Variants in RALYL observed in about 807,000 individuals in gnomAD.
The protein encoded by RALYL is RALY RNA binding protein like.
Under a neutral mutation model 35.1 loss-of-function variants are expected in RALYL, and 29 were observed. That is an observed-to-expected ratio of 0.83 (90% CI 0.61 to 1.13). The LOEUF (loss-of-function observed/expected upper bound fraction) is 1.13, where lower values mean the gene tolerates loss of function less well. RALYL is among the 50% of genes most tolerant of loss of function. The pLI, the probability that RALYL is intolerant of heterozygous loss-of-function variation, is 0.00. For synonymous variants in RALYL, 120 were observed against 127.6 expected, an observed-to-expected ratio of 0.94 and a Z score of 0.40; for missense variants, 359 against 360.4, an observed-to-expected ratio of 1.00 and a Z score of 0.03.
intron 1 of RALYL, among the ~76,000 whole-genome samples, chr8:84,505,349 A>G (rs888247808): frequency 1.3e-5 from 2 of 152,170 alleles, no homozygotes; most frequent in Non-Finnish European, 2.9e-5. Flanking sequence ...AGATAAACAA[A>G]TACTCAGTTC....
intron 1 of RALYL, among the ~76,000 whole-genome samples, chr8:84,447,912 G>T (rs550203268): frequency 6.6e-6 from 1 of 151,918 alleles, no homozygotes; most frequent in Non-Finnish European, 1.5e-5. Context: ...GGAAGTGAAC[G>T]CATTATAATG....
intron 2 of RALYL, among the ~76,000 whole-genome samples, chr8:84,565,805 C>T (rs780715529): frequency 3.3e-5 from 5 of 151,596 alleles, no homozygotes; most frequent in African/African-American, 4.8e-5. Context: ...GAATAATTTA[C>T]GTAACTTTTC....
chr8:84,523,006 T>C (rs1441517114), intron 1 of RALYL, among the ~76,000 whole-genome samples: 2 of 151,824 alleles, frequency 1.3e-5, no homozygotes, highest in Non-Finnish European at 2.9e-5. Context: ...CAAAGGCACA[T>C]CTTACATGGT....
intron 1 of RALYL, among the ~76,000 whole-genome samples, chr8:84,478,098 A>T (rs2133832592): frequency 6.6e-6 from 1 of 152,246 alleles, no homozygotes; most frequent in African/African-American, 2.4e-5. Context: ...TCAGTAAAAG[A>T]TTGTCAATAA....
chr8:84,875,876 T>A (rs1841038278), intron 7 of RALYL, among the ~76,000 whole-genome samples: 1 of 152,164 alleles, frequency 6.6e-6, no homozygotes, highest in Non-Finnish European at 1.5e-5. Flanking sequence ...TTATTACTCT[T>A]TCATAAATTT....
At chr8:84,733,993 A>G (rs536660573) in intron 2 of RALYL, among the ~76,000 whole-genome samples, 12 of 152,318 alleles carry the variant, frequency 7.9e-5, no homozygotes, top group African/African-American at 2.9e-4. Flanking sequence ...TCTGTATACA[A>G]AGTATTATTT....
At chr8:84,520,269 T>C (rs893131241) in intron 1 of RALYL, among the ~76,000 whole-genome samples, 2 of 152,200 alleles carry the variant, frequency 1.3e-5, no homozygotes, top group African/African-American at 4.8e-5. Context: ...AAGCTTTGTT[T>C]TGCAGAGGAA....
At chr8:84,742,771 AGTG>A (rs1355305073) in intron 2 of RALYL, among the ~76,000 whole-genome samples, 1 of 152,064 alleles carries the variant, frequency 6.6e-6, no homozygotes, top group Non-Finnish European at 1.5e-5. Context: ...GTTTTGGTGA[AGTG>A]TTGCAGAGAA....
chr8:84,398,516 C>G (rs575856394), intron 1 of RALYL, among the ~76,000 whole-genome samples: 2 of 152,222 alleles, frequency 1.3e-5, no homozygotes, highest in Admixed American at 1.3e-4. Context: ...ACCCTTTCTT[C>G]TTTCACAGTA....
chr8:84,312,054 C>T (rs1458786012), intron 1 of RALYL, among the ~76,000 whole-genome samples: 1 of 152,048 alleles, frequency 6.6e-6, no homozygotes, highest in Non-Finnish European at 1.5e-5. Flanking sequence ...CTGGGGGAGG[C>T]CTCAGGAAAC....
At chr8:84,893,898 T>A (rs1394305161) in intron 8 of RALYL, among the ~76,000 whole-genome samples, 3 of 152,186 alleles carry the variant, frequency 2.0e-5, no homozygotes, top group Non-Finnish European at 4.4e-5. Context: ...CCACAGTAGA[T>A]TTACCTAGCT....
At chr8:84,628,633 T>C (rs1017051790) in intron 2 of RALYL, among the ~76,000 whole-genome samples, 1 of 151,906 alleles carries the variant, frequency 6.6e-6, no homozygotes, top group African/African-American at 2.4e-5. Context: ...ATCATAACAT[T>C]TTGTTGAGAA....
chr8:84,417,210 CAT>C (rs1052066926), intron 1 of RALYL, among the ~76,000 whole-genome samples: 1 of 151,764 alleles, frequency 6.6e-6, no homozygotes, highest in African/African-American at 2.4e-5. Context: ...AGAAGAAAAA[CAT>C]AGTATTTTTA....
intron 3 of RALYL, among the ~76,000 whole-genome samples, chr8:84,778,623 GAAGGGC>G (rs1192997750): frequency 6.6e-6 from 1 of 152,174 alleles, no homozygotes; most frequent in African/African-American, 2.4e-5. Context: ...AAGAGAGAGG[GAAGGGC>G]ATCTCATAGT....
At chr8:84,420,682 C>A (rs1385333905) in intron 1 of RALYL, among the ~76,000 whole-genome samples, 129 of 125,422 alleles carry the variant, frequency 1.0e-3, no homozygotes, top group African/African-American at 3.8e-3. Flanking sequence ...GGTTTTAGGT[C>A]TAACGTTTAA....
chr8:84,844,445 C>A (rs1350855609), intron 4 of RALYL, among the ~76,000 whole-genome samples: 3 of 152,116 alleles, frequency 2.0e-5, no homozygotes, highest in Non-Finnish European at 4.4e-5. Context: ...GTTAGAATGG[C>A]AATCATTAAA....
intron 2 of RALYL, among the ~76,000 whole-genome samples, chr8:84,733,749 C>T (rs1846683417): frequency 1.3e-5 from 2 of 152,100 alleles, no homozygotes; most frequent in Admixed American, 1.3e-4. Flanking sequence ...GGGAAAGTAT[C>T]TGTCAAATCT....
chr8:84,483,728 G>A (rs549166376), intron 1 of RALYL, among the ~76,000 whole-genome samples: 1 of 152,218 alleles, frequency 6.6e-6, no homozygotes, highest in South Asian at 2.1e-4. Context: ...TTGTGTTTTT[G>A]CAAAGCTGTT....
chr8:84,906,499 A>G (rs1158045493), intron 8 of RALYL, among the ~76,000 whole-genome samples: 4 of 152,200 alleles, frequency 2.6e-5, no homozygotes, highest in African/African-American at 4.8e-5. Context: ...ATAATCTGTG[A>G]CAAAAGAAAT....
Sources: allele counts gnomAD v4.1 joint callset (sites outside exome capture counted in the v4.1 genomes callset), GRCh38; gene constraint gnomAD v4.1.1; transcripts MANE v1.5; gene names NCBI Gene and HGNC (gene_info 2026-07-23, HGNC 2026-07-21).